DPF3: variants seen among roughly 807,000 people sequenced by gnomAD.
DPF3 encodes the protein zinc finger protein DPF3.
A neutral mutation model predicts 56.8 loss-of-function variants in DPF3; 18 were observed. That is an observed-to-expected ratio of 0.32 (90% confidence interval 0.22 to 0.47). DPF3 has a LOEUF of 0.47. DPF3 is among the 20% of genes least tolerant of loss of function. DPF3 has a pLI of 1.00. For synonymous variants in DPF3, 188 were observed against 180.2 expected (o/e 1.04, Z -0.35); for missense variants, 403 against 488.8 (o/e 0.82, Z 1.65).
At chr14:72,822,087 C>A (rs758173738) in intron 1 of DPF3, among the ~76,000 whole-genome samples, 3 of 152,114 alleles carry the variant, frequency 2.0e-5, no homozygotes, top group Non-Finnish European at 4.4e-5. Flanking sequence ...CAGGCCAGAT[C>A]TAATCTATGT....
In DPF3 at chr14:72,612,667, T is replaced by C. The variant is rs1163440960; in HGVS notation, c.*6630A>G. 2.0e-6 allele frequency: 1 copy of C among 512,098 alleles called. No homozygotes were observed. The highest frequency in any genetic ancestry group is 2.0e-5 in the Admixed American group (1 of 51,194). The allele number at this position is 512,098 out of a possible 1,614,324, so 31.7% of individuals were successfully genotyped here. The stretch of plus-strand genomic sequence containing the variant: ...CATGGAAGGGCAAACCAAGTCCGTA[T>C]AAACCACAAACCCCATTCTAGCCAT... On this transcript the variant is annotated 3_prime_UTR_variant, in exon 11 of 11. Transcript: ENST00000556509.
intron 8 of DPF3, among the ~76,000 whole-genome samples, chr14:72,639,617 A>G (rs560267130): frequency 2.1e-3 from 326 of 152,266 alleles, no homozygotes; most frequent in Non-Finnish European, 4.0e-3. Flanking sequence ...GCAGCAGCCC[A>G]AGGGGAACTG....
At chr14:72,738,269 C>A (rs934314367) in intron 3 of DPF3, among the ~76,000 whole-genome samples, 1 of 152,050 alleles carries the variant, frequency 6.6e-6, no homozygotes, top group East Asian at 1.9e-4. Flanking sequence ...TCATAAAGCT[C>A]GAAATAGATG....
intron 7 of DPF3, among the ~76,000 whole-genome samples, chr14:72,676,333 G>C (rs560887912): frequency 3.8e-4 from 58 of 152,276 alleles, no homozygotes; most frequent in African/African-American, 1.4e-3. Flanking sequence ...CTCCTCAGCT[G>C]TCTCTCTCCT....
intron 6 of DPF3, among the ~76,000 whole-genome samples, chr14:72,694,134 T>A (rs906702496): frequency 1.3e-5 from 2 of 152,170 alleles, no homozygotes; most frequent in Non-Finnish European, 2.9e-5. Flanking sequence ...GAAGCAGAAG[T>A]CTGGCTAAAT....
chr14:72,659,883 G>A (rs906581833), intron 8 of DPF3, among the ~76,000 whole-genome samples: 1 of 152,158 alleles, frequency 6.6e-6, no homozygotes, highest in Non-Finnish European at 1.5e-5. Context: ...TCAAAAGTAG[G>A]GAAAGTTTGA....
At chr14:72,806,434 T>C (rs947982082) in intron 1 of DPF3, among the ~76,000 whole-genome samples, 4 of 152,122 alleles carry the variant, frequency 2.6e-5, no homozygotes, top group Non-Finnish European at 1.5e-5. Flanking sequence ...ACCCAGTCCT[T>C]AGTCCTCTGC....
At chr14:72,661,610 A>G in intron 8 of DPF3, 1 of 985,446 alleles carries the variant, frequency 1.0e-6, no homozygotes, top group Non-Finnish European at 1.2e-6. Flanking sequence ...CATCGGCCAA[A>G]ACGCCCACTT....
intron 6 of DPF3, among the ~76,000 whole-genome samples, chr14:72,700,336 T>G (rs1046407540): frequency 6.6e-6 from 1 of 152,192 alleles, no homozygotes; most frequent in African/African-American, 2.4e-5. Context: ...TGTTGGCATC[T>G]TGAAATTCTT....
chr14:72,758,967 G>A (rs1890955145), intron 2 of DPF3, among the ~76,000 whole-genome samples: 1 of 152,178 alleles, frequency 6.6e-6, no homozygotes, highest in Non-Finnish European at 1.5e-5. Flanking sequence ...TGGAAAATAT[G>A]ACTTATAATA....
intron 1 of DPF3, among the ~76,000 whole-genome samples, chr14:72,851,408 C>A (rs1423539244): frequency 6.6e-6 from 1 of 152,208 alleles, no homozygotes; most frequent in South Asian, 2.1e-4. Context: ...TCACACGGCA[C>A]TATCTGGATC....
chr14:72,853,065 A>ATGTGTGTGTGTGTGTGTG (rs33941275), intron 1 of DPF3, among the ~76,000 whole-genome samples: 2 of 139,860 alleles, frequency 1.4e-5, no homozygotes, highest in Non-Finnish European at 3.2e-5. Context: ...GTGTGTGTGT[A>ATGTGTGTGTGTGTGTGTG]TGCATGCTTG....
intron 7 of DPF3, among the ~76,000 whole-genome samples, chr14:72,676,904 C>T (rs926191525): frequency 3.3e-5 from 5 of 152,126 alleles, no homozygotes; most frequent in South Asian, 4.2e-4. Flanking sequence ...ATTGGTAGAA[C>T]ACCCTATTGA....
At chr14:72,707,833 G>A (rs1456707629) in intron 6 of DPF3, among the ~76,000 whole-genome samples, 2 of 149,604 alleles carry the variant, frequency 1.3e-5, no homozygotes, top group African/African-American at 2.5e-5. Context: ...TTGAGACTGC[G>A]TTTTGCTCTG....
chr14:72,823,865 C>G (rs1294267924), intron 1 of DPF3, among the ~76,000 whole-genome samples: 1 of 152,198 alleles, frequency 6.6e-6, no homozygotes, highest in Non-Finnish European at 1.5e-5. Flanking sequence ...TAGGGAGAGG[C>G]TGATCTATGC....
chr14:72,718,136 A>T (rs1796015538), intron 5 of DPF3, among the ~76,000 whole-genome samples: 1 of 150,886 alleles, frequency 6.6e-6, no homozygotes, highest in Non-Finnish European at 1.5e-5. Flanking sequence ...AAGGAGGGAG[A>T]AGTAGAGGCC....
At chr14:72,885,251 G>C (rs1886497955) in intron 1 of DPF3, among the ~76,000 whole-genome samples, 1 of 151,814 alleles carries the variant, frequency 6.6e-6, no homozygotes, top group South Asian at 2.1e-4. Flanking sequence ...ACTACCAATA[G>C]AGGGAGAGGC....
intron 8 of DPF3, among the ~76,000 whole-genome samples, chr14:72,664,837 T>C (rs1424339572): frequency 6.6e-6 from 1 of 152,182 alleles, no homozygotes; most frequent in Non-Finnish European, 1.5e-5. Context: ...AGGATATGAG[T>C]GATATCACCT....
intron 5 of DPF3, among the ~76,000 whole-genome samples, chr14:72,716,956 C>A (rs578034241): frequency 6.6e-6 from 1 of 152,232 alleles, no homozygotes; most frequent in South Asian, 2.1e-4. Context: ...GATCTACCTC[C>A]ACACTGCCCC....
Sources: gnomAD v4.1 joint callset for allele counts (sites outside exome capture counted in the v4.1 genomes callset) on GRCh38, gnomAD v4.1.1 for gene constraint, MANE v1.5 for transcripts, NCBI Gene and HGNC (gene_info 2026-07-23, HGNC 2026-07-21) for gene names.